The following IKBIP variants were observed in gnomAD, a reference collection of about 807,000 sequenced individuals.
IKBIP encodes the protein IKBKB interacting protein, also known as inhibitor of nuclear factor kappa-B kinase-interacting protein.
IKBIP carries 28 observed loss-of-function variants against 31.0 expected under a neutral mutation model. That is an observed-to-expected ratio of 0.90 (90% CI 0.67 to 1.24). The LOEUF (loss-of-function observed/expected upper bound fraction) is 1.24, where lower values mean the gene tolerates loss of function less well. Among genes scored for constraint, IKBIP ranks in the 50% most tolerant of loss-of-function variants. IKBIP has a pLI of 0.00. For missense variants in IKBIP, 453 were observed against 441.9 expected (o/e 1.03, Z -0.23); for synonymous variants, 164 against 160.3 (o/e 1.02, Z -0.17).
rs1225390080 is a variant in IKBIP at position 98,644,713 on chromosome 12, C to G, written c.-12G>C. On this transcript the variant is annotated 5_prime_UTR_variant, in exon 1 of 3. Coordinates refer to ENST00000299157, the MANE Select transcript of IKBIP (RefSeq NM_153687.4). ...TTCACCTCAGACATGTCTGGAGACC[C>G]TAGGACGACAAGCCCAGGGCAGCTT... 1 of 1,599,096 alleles carries G rather than the reference C, an allele frequency of 6.3e-7. No homozygotes were observed. The highest frequency in any genetic ancestry group is 1.7e-4 in the Middle Eastern group (1 of 6,002).
In IKBIP at chr12:98,624,545, T is replaced by C. The variant is rs2097612515; in HGVS notation, c.*1385A>G. 1 of 984,016 alleles carries C rather than the reference T, an allele frequency of 1.0e-6. No homozygotes were observed. The highest frequency in any genetic ancestry group is 1.7e-5 in the African/African-American group (1 of 57,216). The allele number at this position is 984,016 out of a possible 1,614,324, so 61.0% of individuals were successfully genotyped here. The stretch of plus-strand genomic sequence containing the variant: ...CTTTTTGTAACTGACTGCTTTCAAG[T>C]TCTTTGTGTTTAATTCCATCAAAAA... On this transcript the variant is annotated 3_prime_UTR_variant, in exon 3 of 3. Transcript: ENST00000299157.
At chr12:98,622,001 G>A (rs2097610538), downstream of IKBIP, among the ~76,000 whole-genome samples, 2 of 151,642 alleles carry the variant, frequency 1.3e-5, no homozygotes, top group South Asian at 2.1e-4. Flanking sequence ...GCTTGAACCC[G>A]GGAGGTGGAG....
chr12:98,616,441 CT>C (rs1485439314), intron 2 of IKBIP, among the ~76,000 whole-genome samples: 2 of 152,044 alleles, frequency 1.3e-5, no homozygotes, highest in Non-Finnish European at 2.9e-5. Context: ...TAGGTTGTCT[CT>C]TCACTCTGTT....
chr12:98,640,358 T>TGGGAGG (rs892607280), intron 1 of IKBIP, among the ~76,000 whole-genome samples: 2 of 152,030 alleles, frequency 1.3e-5, no homozygotes, highest in Non-Finnish European at 2.9e-5. Flanking sequence ...TGCTTGAACC[T>TGGGAGG]GGGAGGTGGA....
chr12:98,630,173 C>T (rs577598982), intron 2 of IKBIP, among the ~76,000 whole-genome samples: 121 of 151,830 alleles, frequency 8.0e-4, no homozygotes, highest in Non-Finnish European at 1.6e-3. Context: ...CACCTGAGGT[C>T]GGGAGATTGA....
chr12:98,626,081 A>C lies in IKBIP; in HGVS notation c.983T>G (p.Ile328Ser), dbSNP rs1277595148. The C allele has an allele frequency of 1.9e-6, 3 of 1,600,600 alleles. No homozygotes were observed. The highest frequency in any genetic ancestry group is 2.6e-6 in the Non-Finnish European group (3 of 1,173,250). ...CTTTAATATGCTATTATCATACTGAATTCCTTCAAGGGTTTTCTGCATCTC... is the reference window on the plus strand; with the variant it reads ...CTTTAATATGCTATTATCATACTGACTTCCTTCAAGGGTTTTCTGCATCTC... ...IMEMQKTLEG[I>S]QYDNSILKMQ... Residue 328 changes from isoleucine (I) to serine (S), a missense_variant, in exon 3 of 3, where the codon ATT (isoleucine) becomes AGT (serine). Ile to Ser is a moderately radical substitution (Grantham distance 142). Transcript: ENST00000299157.
At chr12:98,639,176 G>A (rs1369489611) in intron 1 of IKBIP, among the ~76,000 whole-genome samples, 1 of 152,098 alleles carries the variant, frequency 6.6e-6, no homozygotes, top group East Asian at 1.9e-4. Flanking sequence ...AGCTAGCTGG[G>A]ATTACAGGTG....
At position 98,639,325 on chromosome 12, in the gene IKBIP, C is replaced by T. The variant is rs558277927; in HGVS notation, c.180-4912G>A. Among the ~76,000 whole-genome samples, 3 of 152,286 alleles carry T rather than the reference C, an allele frequency of 2.0e-5. No individual in the cohort carries two copies. The South Asian group carries it at 6.2e-4, about 32-fold the overall frequency. ...TTGATAGAAGCCCCAGGCCTGTCCC[C>T]CTTTGAACACTAAGTATAAACTGGG... On this transcript the variant is annotated intron_variant, in intron 1 of 2. Coordinates refer to ENST00000299157, the MANE Select transcript of IKBIP (RefSeq NM_153687.4).
At chr12:98,630,755 T>C (rs575788021) in intron 2 of IKBIP, among the ~76,000 whole-genome samples, 4 of 152,298 alleles carry the variant, frequency 2.6e-5, no homozygotes, top group Non-Finnish European at 4.4e-5. Context: ...AGATAAGTTA[T>C]AGTGATTTGT....
exon 3 of IKBIP, chr12:98,614,179 G>A (rs764385033): frequency 1.2e-6 from 2 of 1,613,944 alleles, no homozygotes; most frequent in Non-Finnish European, 1.7e-6. Context: ...CTTTTGTAAT[G>A]TCTTGAGAAA....
chr12:98,644,463 G>A, intron 1 of IKBIP, 60 bp downstream of exon 1: 1 of 1,480,266 alleles, frequency 6.8e-7, no homozygotes, highest in South Asian at 1.3e-5. Context: ...GAGCCGGGTG[G>A]GAGCCCAAAC....
downstream of IKBIP, among the ~76,000 whole-genome samples, chr12:98,622,678 GCAT>G (rs2097611041): frequency 1.3e-5 from 2 of 151,474 alleles, no homozygotes; most frequent in South Asian, 4.2e-4. Flanking sequence ...CTGTGTAATG[GCAT>G]CATATCAAAA....
chr12:98,637,786 C>G (rs2097627156), intron 1 of IKBIP, among the ~76,000 whole-genome samples: 2 of 152,174 alleles, frequency 1.3e-5, no homozygotes, highest in Non-Finnish European at 2.9e-5. Context: ...TCTTGGCTAA[C>G]TGCAACCTCC....
In IKBIP at chr12:98,626,680, T is replaced by C; in HGVS notation, c.384A>G (p.Gln128=). ...TQFEQEVSNL[Q]DIMHDIQNNE... ...TATTTTGAATGTCATGCATGATATC[T>C]TGGAGGTTGGATACTTCCTGCTCAA... Residue 128 remains glutamine, a synonymous_variant, in exon 3 of 3, where the codon CAA becomes CAG. Transcript: ENST00000299157. The C allele has an allele frequency of 1.2e-6, 2 of 1,614,068 alleles. No homozygotes were observed. Among genetic ancestry groups the C allele is most frequent in the East Asian group, 4.5e-5 (2 of 44,878 alleles).
exon 3 of IKBIP, chr12:98,613,782 T>A: frequency 6.2e-7 from 1 of 1,611,108 alleles, no homozygotes; most frequent in East Asian, 2.2e-5. Context: ...TTCTTTAGAT[T>A]ATACACCTTT....
intron 1 of IKBIP, among the ~76,000 whole-genome samples, chr12:98,643,095 G>A (rs1338807654): frequency 6.6e-6 from 1 of 152,022 alleles, no homozygotes; most frequent in Non-Finnish European, 1.5e-5. Flanking sequence ...TGGGATTGCA[G>A]GTTTGTGCCA....
downstream of IKBIP, among the ~76,000 whole-genome samples, chr12:98,622,500 T>TG (rs796377335): frequency 3.0e-4 from 45 of 152,178 alleles, no homozygotes; most frequent in African/African-American, 1.0e-3. Flanking sequence ...CCAGCCTGGG[T>TG]GACAGAGTGA....
At chr12:98,643,609 C>T (rs1297402139) in intron 1 of IKBIP, among the ~76,000 whole-genome samples, 2 of 151,954 alleles carry the variant, frequency 1.3e-5, no homozygotes, top group East Asian at 1.9e-4. Context: ...ACCAATATAT[C>T]GCCATTTACC....
At chr12:98,629,584 C>T (rs867468513) in intron 2 of IKBIP, among the ~76,000 whole-genome samples, 5 of 152,068 alleles carry the variant, frequency 3.3e-5, no homozygotes, top group African/African-American at 9.7e-5. Flanking sequence ...CACACACACA[C>T]ATTTAAAGAA....
Sources: allele counts gnomAD v4.1 joint callset (sites outside exome capture counted in the v4.1 genomes callset), GRCh38; gene constraint gnomAD v4.1.1; transcripts MANE v1.5; gene names NCBI Gene and HGNC (gene_info 2026-07-23, HGNC 2026-07-21).